KCNMA1: variants seen among roughly 807,000 people sequenced by gnomAD.
KCNMA1 encodes the protein potassium calcium-activated channel subfamily M alpha 1.
KCNMA1 carries 29 observed loss-of-function variants against 140.0 expected under a neutral mutation model. That is an observed-to-expected ratio of 0.21 (90% confidence interval 0.15 to 0.28). The LOEUF is 0.28. Among genes scored for constraint, KCNMA1 ranks in the 10% least tolerant of loss-of-function variants. The pLI, the probability that KCNMA1 is intolerant of heterozygous loss-of-function variation, is 1.00. For synonymous variants in KCNMA1, 612 were observed against 611.9 expected, an observed-to-expected ratio of 1.00 and a Z score of 0.00; for missense variants, 880 against 1,602.2, an observed-to-expected ratio of 0.55 and a Z score of 7.70.
intron 9 of KCNMA1, among the ~76,000 whole-genome samples, chr10:77,092,538 G>A (rs12255547): frequency 0.19 from 28,233 of 152,094 alleles, 3,093 homozygotes; most frequent in Middle Eastern, 0.26. Flanking sequence ...GGACAGATAC[G>A]TGGCTGAGGC....
At chr10:77,541,062 A>G (rs952448687) in intron 1 of KCNMA1, among the ~76,000 whole-genome samples, 1 of 152,198 alleles carries the variant, frequency 6.6e-6, no homozygotes, top group Non-Finnish European at 1.5e-5. Context: ...TTATGAACCA[A>G]CAAAATTTAA....
intron 2 of KCNMA1, chr10:77,350,202 A>G (rs1447360779): frequency 6.6e-6 from 1 of 152,258 alleles, no homozygotes; most frequent in African/African-American, 2.4e-5. Flanking sequence ...CCCAGCCTAC[A>G]TGCCCATTTC....
At chr10:76,875,264 G>C (rs2032155835), downstream of KCNMA1, 1 of 152,088 alleles carries the variant, frequency 6.6e-6, no homozygotes, top group Non-Finnish European at 1.5e-5. Flanking sequence ...TTCTAGTCCA[G>C]AACAATTCAT....
rs767915571 is a variant in KCNMA1 at position 77,184,924 on chromosome 10, A to G, written c.603-8T>C. The G allele has an allele frequency of 6.4e-7, 1 of 1,565,230 alleles. No individual in the cohort carries two copies. Among genetic ancestry groups the G allele is most frequent in the Non-Finnish European group, 8.8e-7 (1 of 1,135,778 alleles). ...TGGCAGGATTCTATTGGGCTATTAG[A>G]CAGGAAGAAGAAAAAGCAAGAGGTA... On this transcript the variant is annotated splice_polypyrimidine_tract_variant and splice_region_variant and intron_variant, in intron 3 of 27. Transcript: ENST00000286628.
intron 20 of KCNMA1, among the ~76,000 whole-genome samples, chr10:76,964,115 T>A (rs945401956): frequency 2.0e-5 from 3 of 151,818 alleles, no homozygotes; most frequent in African/African-American, 7.3e-5. Context: ...CTTCTGATAA[T>A]GATCATCACC....
At chr10:77,520,208 A>C (rs113115883) in intron 1 of KCNMA1, among the ~76,000 whole-genome samples, 62 of 14,048 alleles carry the variant, frequency 4.4e-3, no homozygotes, top group East Asian at 9.6e-3. Context: ...GTGCAGTGTG[A>C]GGTCTGGGGT....
intron 1 of KCNMA1, among the ~76,000 whole-genome samples, chr10:77,588,597 C>T (rs2077996417): frequency 2.6e-5 from 4 of 152,140 alleles, no homozygotes; most frequent in Admixed American, 2.6e-4. Context: ...GGATTGAAAC[C>T]ATCAGGAAGA....
At chr10:77,320,918 T>C (rs1478917172) in intron 2 of KCNMA1, among the ~76,000 whole-genome samples, 7 of 152,218 alleles carry the variant, frequency 4.6e-5, no homozygotes, top group Non-Finnish European at 1.0e-4. Flanking sequence ...ATCTGTGCTG[T>C]TGAGCTGACG....
At chr10:76,918,592 G>T (rs1442308776) in intron 23 of KCNMA1, among the ~76,000 whole-genome samples, 1 of 152,124 alleles carries the variant, frequency 6.6e-6, no homozygotes, top group Admixed American at 6.5e-5. Context: ...AGAAACAGTA[G>T]ATGTTGGCAT....
chr10:77,379,404 A>G (rs2095302059), intron 2 of KCNMA1, among the ~76,000 whole-genome samples: 1 of 152,140 alleles, frequency 6.6e-6, no homozygotes, highest in Non-Finnish European at 1.5e-5. Context: ...TCCTTTTCAC[A>G]GGCATTTAAG....
At chr10:76,875,976 A>G (rs2032307418), downstream of KCNMA1, 1 of 152,604 alleles carries the variant, frequency 6.6e-6, no homozygotes, top group Non-Finnish European at 1.5e-5. Flanking sequence ...CTAATTCTAC[A>G]AAATGTGACG....
chr10:77,438,362 T>C lies in KCNMA1; in HGVS notation c.379-34339A>G, dbSNP rs904960052. Among the ~76,000 whole-genome samples, 8 of 151,928 alleles carry C rather than the reference T, an allele frequency of 5.3e-5. No homozygotes were observed. The East Asian group carries it at 1.6e-3, about 29-fold the overall frequency. ...CGGGCAGATCACCTGAGGTCAGGAG[T>C]TCGAGACCAGCCTCAATTAGGAGAA... On this transcript the variant is annotated intron_variant, in intron 1 of 27. Transcript: ENST00000286628.
chr10:76,889,777 G>A, intron 26 of KCNMA1: 1 of 609,358 alleles, frequency 1.6e-6, no homozygotes, highest in African/African-American at 1.8e-5. Flanking sequence ...AGGTAACAAT[G>A]GGGTTTTCCT....
chr10:77,018,044 A>G (rs2092376183), intron 17 of KCNMA1, among the ~76,000 whole-genome samples: 1 of 152,168 alleles, frequency 6.6e-6, no homozygotes, highest in Non-Finnish European at 1.5e-5. Flanking sequence ...CCACTTACTT[A>G]TGTGCCTCAT....
chr10:77,420,990 C>G (rs1469331254), intron 1 of KCNMA1, among the ~76,000 whole-genome samples: 3 of 152,246 alleles, frequency 2.0e-5, no homozygotes, highest in African/African-American at 7.2e-5. Flanking sequence ...TGTGCTTAAA[C>G]TCTTCTCAGG....
intron 16 of KCNMA1, among the ~76,000 whole-genome samples, chr10:77,025,242 G>GTATATATATA (rs1183311699): frequency 2.2e-3 from 94 of 42,544 alleles, no homozygotes; most frequent in East Asian, 9.1e-3. Context: ...GGGTGTGTGT[G>GTATATATATA]TATATATATA....
At chr10:77,214,772 C>G (rs2154179466) in intron 3 of KCNMA1, among the ~76,000 whole-genome samples, 1 of 152,298 alleles carries the variant, frequency 6.6e-6, no homozygotes, top group Non-Finnish European at 1.5e-5. Context: ...ACCCTCTCCT[C>G]CCTAGGCTTC....
chr10:77,362,365 C>CCCCCA (rs1555238717), intron 2 of KCNMA1, among the ~76,000 whole-genome samples: 1 of 119,050 alleles, frequency 8.4e-6, no homozygotes, highest in African/African-American at 3.3e-5. Flanking sequence ...CCCCCCCACC[C>CCCCCA]CACACACACA....
At chr10:77,291,400 C>A (rs751591041) in intron 2 of KCNMA1, among the ~76,000 whole-genome samples, 2 of 152,106 alleles carry the variant, frequency 1.3e-5, no homozygotes, top group African/African-American at 4.8e-5. Context: ...AAAGGTACCA[C>A]CTCAGCAAGA....
Sources: gnomAD v4.1 joint callset for allele counts (sites outside exome capture counted in the v4.1 genomes callset) on GRCh38, gnomAD v4.1.1 for gene constraint, MANE v1.5 for transcripts, NCBI Gene and HGNC (gene_info 2026-07-23, HGNC 2026-07-21) for gene names.